AXIN1: variants seen among roughly 807,000 people sequenced by gnomAD.
The protein encoded by AXIN1 is axin-1.
Under a neutral mutation model 76.4 loss-of-function variants are expected in AXIN1, and 30 were observed. The observed-to-expected ratio is 0.39, with a 90% CI of 0.29 to 0.53. The LOEUF is 0.53. AXIN1 is among the 20% of genes least tolerant of loss of function. The pLI is 0.66. For missense variants in AXIN1, 1,140 were observed against 1,198.8 expected (o/e 0.95, Z 0.72); for synonymous variants, 545 against 501.4 (o/e 1.09, Z -1.16).
At chr16:337,835 G>C (rs776250294) in intron 2 of AXIN1, among the ~76,000 whole-genome samples, 26 of 152,276 alleles carry the variant, frequency 1.7e-4, no homozygotes, top group Non-Finnish European at 2.8e-4. Context: ...ACTCAGCCGG[G>C]CGTGCGGCCT....
intron 2 of AXIN1, among the ~76,000 whole-genome samples, chr16:330,369 C>T (rs1173270520): frequency 2.0e-5 from 3 of 152,156 alleles, no homozygotes; most frequent in African/African-American, 4.8e-5. Flanking sequence ...CGCTACCAAA[C>T]GTCTTTCATA....
At chr16:289,802 C>T (rs974198246) in intron 9 of AXIN1, 195 bp from the exon 10 acceptor site, 6 of 692,792 alleles carry the variant, frequency 8.7e-6, no homozygotes, top group South Asian at 5.4e-5. Context: ...GTGGAGTCGG[C>T]TCCGCTCACT....
intron 2 of AXIN1, among the ~76,000 whole-genome samples, chr16:345,585 A>G (rs1224824381): frequency 6.6e-6 from 1 of 152,118 alleles, no homozygotes; most frequent in Admixed American, 6.5e-5. Flanking sequence ...GTGGTGGCAC[A>G]TGCCTGTAAT....
intron 3 of AXIN1, among the ~76,000 whole-genome samples, chr16:311,807 C>T (rs915037360): frequency 2.0e-5 from 3 of 152,128 alleles, no homozygotes; most frequent in African/African-American, 4.8e-5. Flanking sequence ...AAGCTGCCTT[C>T]GGAAGCACGG....
intron 1 of AXIN1, 60 bp from the exon 2 acceptor site, chr16:347,166 A>C (rs2054050309): frequency 6.8e-7 from 1 of 1,473,692 alleles, no homozygotes; most frequent in Admixed American, 1.8e-5. Flanking sequence ...ACACGACCAG[A>C]GGTTTTCTCA....
chr16:311,631 TGTG>T (rs1352661257), intron 3 of AXIN1, among the ~76,000 whole-genome samples: 1 of 151,326 alleles, frequency 6.6e-6, no homozygotes, highest in East Asian at 2.0e-4. Context: ...ATTAGCCAGG[TGTG>T]GTGGCGAGTG....
intron 2 of AXIN1, among the ~76,000 whole-genome samples, chr16:337,629 C>CGCCCAGCT (rs1406363122): frequency 3.3e-5 from 5 of 152,338 alleles, no homozygotes; most frequent in African/African-American, 1.2e-4. Flanking sequence ...GACACCCGGA[C>CGCCCAGCT]GCCCAGCTAC....
chr16:342,273 A>ACACCTC (rs2053942025), intron 2 of AXIN1, among the ~76,000 whole-genome samples: 5 of 152,142 alleles, frequency 3.3e-5, no homozygotes, highest in African/African-American at 9.7e-5. Flanking sequence ...ACACCTCCGA[A>ACACCTC]CGTCAGAAGG....
intron 2 of AXIN1, among the ~76,000 whole-genome samples, chr16:323,796 A>ACACACACACACACACC (rs1171076895): frequency 1.3e-5 from 2 of 151,868 alleles, no homozygotes; most frequent in African/African-American, 4.8e-5. Flanking sequence ...ACACACACAC[A>ACACACACACACACACC]CACACACCAA....
At chr16:342,745 G>C (rs1251569875) in intron 2 of AXIN1, among the ~76,000 whole-genome samples, 3 of 152,228 alleles carry the variant, frequency 2.0e-5, no homozygotes, top group African/African-American at 7.2e-5. Context: ...GTAAACAAGG[G>C]AGCCCAGAGC....
intron 7 of AXIN1, among the ~76,000 whole-genome samples, chr16:294,878 C>T (rs1468376336): frequency 6.6e-6 from 1 of 150,726 alleles, no homozygotes; most frequent in Admixed American, 6.6e-5. Flanking sequence ...CTGGCTAACA[C>T]GGTGAAACCC....
At chr16:321,028 G>A (rs1027600989) in intron 2 of AXIN1, among the ~76,000 whole-genome samples, 11 of 152,142 alleles carry the variant, frequency 7.2e-5, no homozygotes, top group African/African-American at 1.7e-4. Flanking sequence ...TTAAGCCACT[G>A]CGCCTGCCCA....
chr16:289,157 C>T (rs1009682585), intron 10 of AXIN1, among the ~76,000 whole-genome samples: 1 of 151,760 alleles, frequency 6.6e-6, no homozygotes, highest in African/African-American at 2.4e-5. Context: ...GGCGTGATCT[C>T]AGCTCACTGC....
intron 1 of AXIN1, among the ~76,000 whole-genome samples, chr16:347,326 C>T (rs151163856): frequency 1.2e-3 from 189 of 152,338 alleles, no homozygotes; most frequent in Non-Finnish European, 2.2e-3. Context: ...GCCTCTCATG[C>T]TAAGAAGGGA....
chr16:326,642 A>C (rs1464481703), intron 2 of AXIN1, among the ~76,000 whole-genome samples: 3 of 150,822 alleles, frequency 2.0e-5, no homozygotes, highest in Admixed American at 2.0e-4. Context: ...GCTACTCGGG[A>C]GGCTGAAGCA....
intron 7 of AXIN1, among the ~76,000 whole-genome samples, chr16:295,984 G>A (rs2030208404): frequency 6.6e-6 from 1 of 152,162 alleles, no homozygotes. Context: ...AAGACTCGAA[G>A]GCCAGGAATG....
chr16:308,406 G>A (rs929885041), intron 4 of AXIN1, among the ~76,000 whole-genome samples: 1 of 152,208 alleles, frequency 6.6e-6, no homozygotes, highest in African/African-American at 2.4e-5. Flanking sequence ...CCCTCATCCA[G>A]AGTCTGTGGC....
intron 2 of AXIN1, among the ~76,000 whole-genome samples, chr16:331,683 C>G (rs1489866534): frequency 6.6e-6 from 1 of 152,170 alleles, no homozygotes; most frequent in Non-Finnish European, 1.5e-5. Context: ...TATTTGCAAA[C>G]TTTTTTGTTC....
chr16:349,330 G>A (rs116307978), intron 1 of AXIN1, among the ~76,000 whole-genome samples: 8,337 of 152,096 alleles, frequency 0.055, 670 homozygotes, highest in African/African-American at 0.18. Flanking sequence ...CCACTTCAGC[G>A]GCAGTCACTC....
Sources: allele counts gnomAD v4.1 joint callset (sites outside exome capture counted in the v4.1 genomes callset), GRCh38; gene constraint gnomAD v4.1.1; transcripts MANE v1.5; gene names NCBI Gene and HGNC (gene_info 2026-07-23, HGNC 2026-07-21).